Variants in GLCE observed in about 807,000 individuals in gnomAD.
The protein encoded by GLCE is glucuronic acid epimerase.
A neutral mutation model predicts 47.9 loss-of-function variants in GLCE; 19 were observed. The observed-to-expected ratio is 0.40, with a 90% CI of 0.28 to 0.58. The LOEUF is 0.58. Among genes scored for constraint, GLCE ranks in the 20% least tolerant of loss-of-function variants. GLCE has a pLI of 0.48. For synonymous variants in GLCE, 245 were observed against 263.4 expected, an observed-to-expected ratio of 0.93 and a Z score of 0.68; for missense variants, 556 against 743.3, an observed-to-expected ratio of 0.75 and a Z score of 2.93.
chr15:69,165,201 C>G (rs8023407), intron 1 of GLCE, among the ~76,000 whole-genome samples: 18,543 of 152,156 alleles, frequency 0.12, 1,195 homozygotes, highest in East Asian at 0.16. Flanking sequence ...GCCCAGCATC[C>G]ACTAGCTATT....
chr15:69,170,635 A>G (rs950461212), intron 1 of GLCE, among the ~76,000 whole-genome samples: 1 of 152,242 alleles, frequency 6.6e-6, no homozygotes, highest in South Asian at 2.1e-4. Flanking sequence ...ACCATTCATT[A>G]AAATACTTTC....
chr15:69,166,335 T>G, intron 1 of GLCE, among the ~76,000 whole-genome samples: 1 of 152,226 alleles, frequency 6.6e-6, no homozygotes, highest in East Asian at 1.9e-4. Context: ...AATACTACAC[T>G]GTTTTCTGAA....
chr15:69,225,878 C>T (rs1000999456), intron 2 of GLCE, among the ~76,000 whole-genome samples: 15 of 152,038 alleles, frequency 9.9e-5, no homozygotes, highest in Non-Finnish European at 1.0e-4. Context: ...AGTGATAGAG[C>T]CAGGATTCAA....
chr15:69,225,172 CTT>C (rs35793132), intron 2 of GLCE, among the ~76,000 whole-genome samples: 233 of 148,846 alleles, frequency 1.6e-3, no homozygotes, highest in Non-Finnish European at 2.1e-3. Context: ...TATTTTAAAG[CTT>C]TTTTTTTTTC....
intron 1 of GLCE, among the ~76,000 whole-genome samples, chr15:69,197,843 A>C (rs919602149): frequency 6.6e-6 from 1 of 152,126 alleles, no homozygotes; most frequent in Admixed American, 6.6e-5. Context: ...GCTTTAAAAA[A>C]TTTTTTGGTT....
intron 3 of GLCE, among the ~76,000 whole-genome samples, chr15:69,260,231 T>A (rs12595044): frequency 0.51 from 75,747 of 148,034 alleles, 22,834 homozygotes; most frequent in Admixed American, 0.65. Context: ...GTTTATATTT[T>A]AAATTGCCAA....
intron 1 of GLCE, among the ~76,000 whole-genome samples, chr15:69,205,721 C>T (rs992552857): frequency 4.6e-5 from 7 of 152,012 alleles, no homozygotes; most frequent in Non-Finnish European, 8.8e-5. Context: ...TAATGAGTTT[C>T]ATTTTTCACT....
chr15:69,226,355 A>G (rs1351900930), intron 2 of GLCE, among the ~76,000 whole-genome samples: 1 of 152,224 alleles, frequency 6.6e-6, no homozygotes, highest in African/African-American at 2.4e-5. Flanking sequence ...ATAGACACTG[A>G]CAAAGGAATA....
At chr15:69,172,117 T>C (rs2051597508) in intron 1 of GLCE, among the ~76,000 whole-genome samples, 1 of 152,210 alleles carries the variant, frequency 6.6e-6, no homozygotes, top group African/African-American at 2.4e-5. Flanking sequence ...TTCATACTGA[T>C]TTTTTAAAAG....
chr15:69,164,613 G>A (rs2051476642), intron 1 of GLCE, among the ~76,000 whole-genome samples: 1 of 151,628 alleles, frequency 6.6e-6, no homozygotes, highest in Non-Finnish European at 1.5e-5. Flanking sequence ...TGTGTTGCAA[G>A]TCTGAAGTAT....
intron 1 of GLCE, among the ~76,000 whole-genome samples, chr15:69,189,624 A>G (rs1296516362): frequency 1.3e-5 from 2 of 152,180 alleles, no homozygotes; most frequent in African/African-American, 4.8e-5. Context: ...AAGTGGCTTT[A>G]CCATTTTGCA....
intron 4 of GLCE, among the ~76,000 whole-genome samples, chr15:69,263,454 A>AT (rs960937516): frequency 7.4e-5 from 11 of 149,356 alleles, no homozygotes; most frequent in South Asian, 4.2e-4. Context: ...TTGGCCTTCG[A>AT]TTTTTTTTTC....
chr15:69,243,683 T>A (rs1289648976), intron 2 of GLCE, among the ~76,000 whole-genome samples: 2 of 152,138 alleles, frequency 1.3e-5, no homozygotes. Context: ...CAAGATTATA[T>A]GTTCTTGCCA....
At chr15:69,163,003 G>T (rs1471891831) in intron 1 of GLCE, among the ~76,000 whole-genome samples, 1 of 152,080 alleles carries the variant, frequency 6.6e-6, no homozygotes, top group South Asian at 2.1e-4. Context: ...AAGGAATCCC[G>T]CACAGCAATA....
chr15:69,258,312 A>G (rs965495824), intron 3 of GLCE, among the ~76,000 whole-genome samples: 12 of 115,834 alleles, frequency 1.0e-4, no homozygotes, highest in African/African-American at 2.5e-4. Flanking sequence ...CCATATTTCT[A>G]CAAAGCACGT....
intron 2 of GLCE, among the ~76,000 whole-genome samples, chr15:69,249,687 G>A (rs1177578669): frequency 6.6e-6 from 1 of 152,110 alleles, no homozygotes; most frequent in Non-Finnish European, 1.5e-5. Context: ...CTATTGAAAG[G>A]TTGTTCTTTA....
intron 1 of GLCE, among the ~76,000 whole-genome samples, chr15:69,202,496 T>C (rs1009964687): frequency 1.3e-5 from 2 of 152,138 alleles, no homozygotes; most frequent in African/African-American, 4.8e-5. Context: ...GGGTCTACCC[T>C]TCATGGAAAA....
chr15:69,181,598 T>A (rs760639953), intron 1 of GLCE, among the ~76,000 whole-genome samples: 6 of 152,164 alleles, frequency 3.9e-5, no homozygotes, highest in Non-Finnish European at 8.8e-5. Flanking sequence ...GTCATTCTAG[T>A]TTGCAATGTG....
At chr15:69,197,869 C>T (rs74996528) in intron 1 of GLCE, among the ~76,000 whole-genome samples, 1,748 of 152,030 alleles carry the variant, frequency 0.011, 26 homozygotes, top group African/African-American at 0.038. Flanking sequence ...TTTAATGTGA[C>T]AGGAATAATC....
Sources: allele counts gnomAD v4.1 joint callset (sites outside exome capture counted in the v4.1 genomes callset), GRCh38; gene constraint gnomAD v4.1.1; transcripts MANE v1.5; gene names NCBI Gene and HGNC (gene_info 2026-07-23, HGNC 2026-07-21).